CREBBP: variants seen among roughly 807,000 people sequenced by gnomAD.
The protein encoded by CREBBP is CREB binding lysine acetyltransferase, also known as CREB-binding protein.
A neutral mutation model predicts 265.0 loss-of-function variants in CREBBP; 19 were observed. That is an observed-to-expected ratio of 0.07 (90% CI 0.05 to 0.11). CREBBP has a LOEUF of 0.11. CREBBP is among the 10% of genes least tolerant of loss of function. CREBBP has a pLI of 1.00. For missense variants in CREBBP, 2,525 were observed against 3,219.0 expected (o/e 0.78, Z 5.22); for synonymous variants, 1,457 against 1,223.7 (o/e 1.19, Z -3.98).
chr16:3,870,155 AT>A (rs1260816180), intron 1 of CREBBP, among the ~76,000 whole-genome samples: 2 of 152,200 alleles, frequency 1.3e-5, no homozygotes, highest in Non-Finnish European at 2.9e-5. Flanking sequence ...AAAAAAAAAA[AT>A]CACACCAAAT....
chr16:3,812,377 T>C (rs1022254759), intron 2 of CREBBP, among the ~76,000 whole-genome samples: 2 of 151,970 alleles, frequency 1.3e-5, no homozygotes, highest in South Asian at 2.1e-4. Flanking sequence ...CAAAGTTTCA[T>C]CATGTTGGCC....
At chr16:3,858,318 G>C (rs1215497483) in intron 1 of CREBBP, among the ~76,000 whole-genome samples, 2 of 151,986 alleles carry the variant, frequency 1.3e-5, no homozygotes, top group African/African-American at 4.8e-5. Context: ...CTTTCTTCAG[G>C]TTTTCTACAG....
At chr16:3,750,059 T>C (rs1274673923) in intron 20 of CREBBP, among the ~76,000 whole-genome samples, 1 of 152,152 alleles carries the variant, frequency 6.6e-6, no homozygotes, top group East Asian at 1.9e-4. Flanking sequence ...GGCTAATTTT[T>C]TGATTTTTTG....
At chr16:3,859,436 C>T (rs1332847666) in intron 1 of CREBBP, among the ~76,000 whole-genome samples, 1 of 152,180 alleles carries the variant, frequency 6.6e-6, no homozygotes, top group Non-Finnish European at 1.5e-5. Flanking sequence ...TCAGGTGATC[C>T]ATCCGCCTCG....
chr16:3,755,941 C>A (rs887394769), intron 19 of CREBBP, among the ~76,000 whole-genome samples: 1 of 151,898 alleles, frequency 6.6e-6, no homozygotes, highest in Non-Finnish European at 1.5e-5. Context: ...GGCTTAGGAA[C>A]CTTTTTTGAG....
At chr16:3,821,683 AG>A (rs2054143576) in intron 2 of CREBBP, among the ~76,000 whole-genome samples, 1 of 152,192 alleles carries the variant, frequency 6.6e-6, no homozygotes, top group Non-Finnish European at 1.5e-5. Context: ...ATGGAAAAAG[AG>A]GAAAAAAGAA....
At chr16:3,864,401 T>A (rs1394922208) in intron 1 of CREBBP, among the ~76,000 whole-genome samples, 1 of 152,106 alleles carries the variant, frequency 6.6e-6, no homozygotes, top group African/African-American at 2.4e-5. Flanking sequence ...TCCTGGCACT[T>A]TGGGAAGCCG....
chr16:3,739,673 A>C lies in CREBBP; in HGVS notation c.4185T>G (p.Ala1395=). Reference sequence around the variant, plus strand: ...CGTCAATTTCCTCAAAAGCAAACAGAGCTTTGGTTCGATATGGGAAAGATT... The same window carrying C: ...CGTCAATTTCCTCAAAAGCAAACAGCGCTTTGGTTCGATATGGGAAAGATT... ...MSESFPYRTK[A]LFAFEEIDGV... Residue 1395 remains alanine (A), a synonymous_variant, in exon 25 of 31, where the codon GCT becomes GCG. Transcript: ENST00000262367. 1 of 1,614,198 alleles carries C rather than the reference A, an allele frequency of 6.2e-7. No homozygotes were observed. The highest frequency in any genetic ancestry group is 8.5e-7 in the Non-Finnish European group (1 of 1,180,030).
At position 3,739,681 on chromosome 16, in the gene CREBBP, T is replaced by C. The variant is rs1032505371; in HGVS notation, c.4177A>G (p.Thr1393Ala). ...TCCTCAAAAGCAAACAGAGCTTTGGTTCGATATGGGAAAGATTCAGACATT... is the reference window on the plus strand; with the variant it reads ...TCCTCAAAAGCAAACAGAGCTTTGGCTCGATATGGGAAAGATTCAGACATT... ...GEMSESFPYRTKALFAFEEID... is the reference protein window; with the variant it reads ...GEMSESFPYRAKALFAFEEID... The change falls in exon 25 of 31, where the codon ACC (threonine) becomes GCC (alanine). Residue 1393 changes from threonine to alanine, a missense_variant. Around this residue, in one of 19 missense-constraint regions of CREBBP, gnomAD observed 252 missense variants for 452.5 expected, o/e 0.56. Transcript: ENST00000262367. The C allele has an allele frequency of 3.1e-6, 5 of 1,614,084 alleles. No homozygotes were observed. In the African/African-American group the frequency reaches 5.3e-5, roughly 17 times the overall value.
In CREBBP at chr16:3,728,924, G is replaced by A. The variant is rs750688512; in HGVS notation, c.6123C>T (p.Ser2041=). ...CAGCCACGGCCGCCTGGGCCTGCAT[G>A]GATATCACAGGCCTGGGCAAGCCTG... ...PMPGLPRPVI[S]MQAQAAVAGP... is the part of the protein sequence containing the mutation. Residue 2041 remains serine, a synonymous_variant, in exon 31 of 31, where the codon TCC becomes TCT. Coordinates refer to ENST00000262367, the MANE Select transcript of CREBBP (RefSeq NM_004380.3). The surrounding 1 kb of genome is among the most constrained non-coding windows in gnomAD (Gnocchi z 8.7). The A allele has an allele frequency of 8.7e-6, 14 of 1,604,832 alleles. 1 individual carries two copies. In the South Asian group the frequency reaches 1.5e-4, roughly 18 times the overall value.
rs556993075 is a variant in CREBBP, at chr16:3,790,356, A to G, written c.1330+1625T>C. On this transcript the variant is annotated intron_variant, in intron 5 of 30. Coordinates refer to ENST00000262367, the MANE Select transcript of CREBBP (RefSeq NM_004380.3). Reference sequence around the variant, plus strand: ...TCAAAGAATAATTTAACTGACTTTTAGGAAACTGGCTTTTTTTTTTTTTTT... The same window carrying G: ...TCAAAGAATAATTTAACTGACTTTTGGGAAACTGGCTTTTTTTTTTTTTTT... 7.0e-5 allele frequency among the ~76,000 whole-genome samples: 10 copies of G among 142,844 alleles called. No individual in the cohort carries two copies. The South Asian group carries it at 2.2e-3, about 32-fold the overall frequency. 93.7% of individuals were successfully genotyped at this position (142,844 alleles called of 152,430 possible).
Position 3,770,576 on chromosome 16 carries a change from G to C in CREBBP, c.2874C>G (p.Gly958=), listed in dbSNP as rs2141198425. The change falls in exon 14 of 31, where the codon GGC becomes GGG. Residue 958 remains glycine (G), a synonymous_variant. Transcript: ENST00000262367. ...QPTPVHAQPP[G]TPLSQAAASI... ...CAGAGACAGAGAGGCTTACCGGTGT[G>C]CCAGGAGGCTGGGCGTGCACAGGCG... 1 of 1,613,084 alleles carries C rather than the reference G, an allele frequency of 6.2e-7. No homozygotes were observed. Among genetic ancestry groups the C allele is most frequent in the Non-Finnish European group, 8.5e-7 (1 of 1,179,972 alleles).
chr16:3,862,704 G>T (rs1384356175), intron 1 of CREBBP, among the ~76,000 whole-genome samples: 2 of 152,096 alleles, frequency 1.3e-5, no homozygotes, highest in Non-Finnish European at 1.5e-5. Flanking sequence ...CCTTCCCACT[G>T]TATCGAATTC....
chr16:3,861,260 A>T (rs974750833), intron 1 of CREBBP, among the ~76,000 whole-genome samples: 1 of 152,166 alleles, frequency 6.6e-6, no homozygotes, highest in Non-Finnish European at 1.5e-5. Flanking sequence ...CAAGGGCAAA[A>T]CTCTGTCCCA....
At chr16:3,855,730 T>C (rs1001917669) in intron 1 of CREBBP, among the ~76,000 whole-genome samples, 6 of 152,162 alleles carry the variant, frequency 3.9e-5, no homozygotes, top group African/African-American at 1.4e-4. Flanking sequence ...CCTGGTGAAA[T>C]AGGTCTCAAC....
intron 2 of CREBBP, among the ~76,000 whole-genome samples, chr16:3,847,851 T>A (rs1231275940): frequency 6.6e-6 from 1 of 152,190 alleles, no homozygotes; most frequent in Non-Finnish European, 1.5e-5. Context: ...AACTGAAATG[T>A]AGATTTTGAG....
rs201937625 is a variant in CREBBP at position 3,731,734 on chromosome 16, C to G, written c.4890+42G>C. On this transcript the variant is annotated intron_variant, in intron 29 of 30. Transcript: ENST00000262367. The surrounding 1 kb of genome is among the most constrained non-coding windows in gnomAD (Gnocchi z 7.7). Reference sequence around the variant, plus strand: ...CGCCAGCTGCGAGTCTTTCCCTCCTCCCGGCCAGAGGCACGGCTGCAGCAC... The same window carrying G: ...CGCCAGCTGCGAGTCTTTCCCTCCTGCCGGCCAGAGGCACGGCTGCAGCAC... 1 of 1,613,494 alleles carries G rather than the reference C, an allele frequency of 6.2e-7. No homozygotes were observed. The highest frequency in any genetic ancestry group is 1.3e-5 in the African/African-American group (1 of 74,936).
At position 3,850,514 on chromosome 16, in the gene CREBBP, C is replaced by G. The variant is rs753970491; in HGVS notation, c.581G>C (p.Gly194Ala). Residue 194 changes from glycine to alanine, a missense_variant, in exon 2 of 31, where the codon GGC becomes GCC. Physicochemically the swap from Gly to Ala is moderately conservative, Grantham distance 60. This residue lies in a region of CREBBP where 356 missense variants were observed against 340.4 expected (regional missense o/e 1.05). Coordinates refer to ENST00000262367, the MANE Select transcript of CREBBP (RefSeq NM_004380.3). ...THPGLLNSNS[G>A]HSLINQASQG... ...TGAAGCCTGATTAATTAAGCTATGGCCAGAGTTACTATTGAGGAGGCCTGG... is the reference window on the plus strand; with the variant it reads ...TGAAGCCTGATTAATTAAGCTATGGGCAGAGTTACTATTGAGGAGGCCTGG... The G allele has an allele frequency of 3.1e-6, 5 of 1,614,238 alleles. No individual in the cohort carries two copies. The highest frequency in any genetic ancestry group is 4.2e-6 in the Non-Finnish European group (5 of 1,180,048).
intron 2 of CREBBP, among the ~76,000 whole-genome samples, chr16:3,835,578 T>A (rs1387941949): frequency 7.0e-6 from 1 of 143,116 alleles, no homozygotes; most frequent in Admixed American, 7.0e-5. Flanking sequence ...GATTTCTTCT[T>A]TTTTTTTTTT....
Sources: allele counts gnomAD v4.1 joint callset (sites outside exome capture counted in the v4.1 genomes callset), GRCh38; gene constraint gnomAD v4.1.1; regional missense constraint gnomAD v4.1.1; non-coding constraint Gnocchi (gnomAD v3.1); transcripts MANE v1.5; gene names NCBI Gene and HGNC (gene_info 2026-07-23, HGNC 2026-07-21).